DHX37: variants seen among roughly 807,000 people sequenced by gnomAD.
DHX37 encodes the protein probable ATP-dependent RNA helicase DHX37.
In DHX37, 52 loss-of-function variants were observed where a neutral mutation model predicts 134.3. The ratio of observed to expected loss-of-function variants is 0.39; its 90% CI spans 0.31 to 0.49. The LOEUF (loss-of-function observed/expected upper bound fraction) is 0.49, where lower values mean the gene tolerates loss of function less well. DHX37 is among the 20% of genes least tolerant of loss of function. The pLI, the probability that DHX37 is intolerant of heterozygous loss-of-function variation, is 0.93. For synonymous variants in DHX37, 634 were observed against 670.7 expected, an observed-to-expected ratio of 0.95 and a Z score of 0.85; for missense variants, 1,344 against 1,580.8, an observed-to-expected ratio of 0.85 and a Z score of 2.54.
intron 15 of DHX37, among the ~76,000 whole-genome samples, chr12:124,961,226 ACG>A (rs1566332223): frequency 2.7e-5 from 3 of 111,576 alleles, no homozygotes; most frequent in East Asian, 4.6e-4. Flanking sequence ...ACGCACACGC[ACG>A]CACACACACA....
At chr12:124,987,621 C>T (rs1327302872) in intron 1 of DHX37, among the ~76,000 whole-genome samples, 3 of 152,188 alleles carry the variant, frequency 2.0e-5, no homozygotes, top group African/African-American at 7.2e-5. Flanking sequence ...CCTCTGTAAC[C>T]TTTCTTTACT....
At chr12:124,970,835 G>A (rs79327485) in intron 8 of DHX37, among the ~76,000 whole-genome samples, 5,665 of 148,190 alleles carry the variant, frequency 0.038, 375 homozygotes, top group African/African-American at 0.13. Context: ...CCGCGCCCCA[G>A]GGTGGCACCC....
At chr12:124,967,070 G>C in intron 11 of DHX37, 53 bp downstream of exon 11, 1 of 1,596,886 alleles carries the variant, frequency 6.3e-7, no homozygotes, top group Non-Finnish European at 8.6e-7. Context: ...CAGGGAGCGC[G>C]AGGCCAAGCC....
At chr12:124,966,044 G>A (rs1203463654) in intron 12 of DHX37, among the ~76,000 whole-genome samples, 1 of 152,218 alleles carries the variant, frequency 6.6e-6, no homozygotes, top group Non-Finnish European at 1.5e-5. Flanking sequence ...GTGAACACAC[G>A]TGAGGAACCT....
intron 12 of DHX37, among the ~76,000 whole-genome samples, chr12:124,966,222 C>A (rs1193874087): frequency 6.6e-6 from 1 of 152,212 alleles, no homozygotes. Flanking sequence ...GTGCACACCA[C>A]CATGCCTGGC....
At chr12:124,985,542 C>G (rs1383970979) in intron 2 of DHX37, among the ~76,000 whole-genome samples, 2 of 148,932 alleles carry the variant, frequency 1.3e-5, no homozygotes, top group Non-Finnish European at 3.0e-5. Context: ...CAAGATCATC[C>G]TGGCTAACAT....
Position 124,968,834 on chromosome 12 carries a change from C to G in DHX37, c.1293+33G>C, listed in dbSNP as rs757237175. ...GACACCAGGGCGTCCTTGTGCCATC[C>G]AAGCTCACAGAGGACATGGGACCCT... On this transcript the variant is annotated intron_variant, in intron 9 of 26. Coordinates refer to ENST00000308736, the MANE Select transcript of DHX37 (RefSeq NM_032656.4). 3.1e-6 allele frequency: 5 copies of G among 1,612,824 alleles called. No homozygotes were observed. The South Asian group carries it at 3.3e-5, about 11-fold the overall frequency.
At chr12:124,948,301 CTGGCTGGGCATGGTGACA>C in intron 25 of DHX37, 120 bp from the exon 26 acceptor site, 1 of 1,459,100 alleles carries the variant, frequency 6.9e-7, no homozygotes, top group Non-Finnish European at 9.1e-7. Flanking sequence ...GGGTGAAGAG[CTGGCTGGGCATGGTGACA>C]TGCACCTGTA....
chr12:124,972,512 T>A lies in DHX37; in HGVS notation c.1068A>T (p.Glu356Asp), dbSNP rs377745670. 3 of 1,614,196 alleles carry A rather than the reference T, an allele frequency of 1.9e-6. No individual in the cohort carries two copies. Among genetic ancestry groups the A allele is most frequent in the Non-Finnish European group, 2.5e-6 (3 of 1,180,010 alleles). ...KFMTDGVLLK[E>D]IQKDFLLLRY... ...AGGATCCACAACCAACCTTCTGGAT[T>A]TCTTTAAGCAGCACACCATCCGTCA... The change falls in exon 7 of 27, where the codon GAA becomes GAT. Residue 356 changes from glutamate (E) to aspartate (D), a missense_variant. Glu to Asp is a conservative substitution (Grantham distance 45). Around this residue, in one of 7 missense-constraint regions of DHX37, gnomAD observed 30 missense variants for 72.5 expected, o/e 0.41. Coordinates refer to ENST00000308736, the MANE Select transcript of DHX37 (RefSeq NM_032656.4).
intron 16 of DHX37, among the ~76,000 whole-genome samples, chr12:124,957,395 C>T (rs996410016): frequency 1.3e-5 from 2 of 152,210 alleles, no homozygotes; most frequent in African/African-American, 2.4e-5. Flanking sequence ...GCTTTGCCCC[C>T]GCTGGGTGCT....
intron 1 of DHX37, among the ~76,000 whole-genome samples, chr12:124,987,316 C>T (rs151213284): frequency 0.017 from 2,531 of 152,292 alleles, 66 homozygotes; most frequent in East Asian, 0.073. Context: ...GCACTCCAGC[C>T]TAGGCGACAG....
rs543215632 is a variant in DHX37, at chr12:124,977,038, G to A, written c.887+304C>T. ...TCCAGCCGGGGTGACACAGCGAGAC[G>A]CTGTCTCAAAAAAAAAAAAAAAAGG... On this transcript the variant is annotated intron_variant, in intron 5 of 26. Transcript: ENST00000308736. 6.9e-5 allele frequency among the ~76,000 whole-genome samples: 8 copies of A among 116,666 alleles called. No individual in the cohort carries two copies. The East Asian group carries it at 7.6e-4, about 11-fold the overall frequency. 76.5% of individuals were successfully genotyped at this position (116,666 alleles called of 152,430 possible).
intron 18 of DHX37, among the ~76,000 whole-genome samples, chr12:124,955,439 C>G (rs575872569): frequency 2.0e-5 from 3 of 152,242 alleles, no homozygotes; most frequent in African/African-American, 4.8e-5. Context: ...GGGATTCTGA[C>G]GAATAGCTGG....
rs148208268 is a variant in DHX37 at position 124,953,940 on chromosome 12, C to T, written c.2635G>A (p.Gly879Arg). 2.5e-6 allele frequency: 4 copies of T among 1,613,262 alleles called. No individual in the cohort carries two copies. Among genetic ancestry groups the T allele is most frequent in the East Asian group, 4.5e-5 (2 of 44,858 alleles). ...TCCATCATGGCTTTGTACCGCAGCC[C>T]GTTGGCTTCGCAAAACTGGGGTGTG... ...SCTPQFCEAN[G>R]LRYKAMMEIR... The change falls in exon 20 of 27, where the codon GGG becomes AGG. Residue 879 changes from glycine to arginine, a missense_variant. By Grantham distance (125) the Gly-to-Arg change is moderately radical (BLOSUM62 -2). This residue lies in a region of DHX37 where 558 missense variants were observed against 650.0 expected (regional missense o/e 0.86). Coordinates refer to ENST00000308736, the MANE Select transcript of DHX37 (RefSeq NM_032656.4).
chr12:124,966,910 T>C (rs1000916439), intron 11 of DHX37, 32 bp from the exon 12 acceptor site: 20 of 1,613,838 alleles, frequency 1.2e-5, no homozygotes, highest in Non-Finnish European at 1.7e-5. Context: ...GAGAAAGGCG[T>C]CTGTGGCCGG....
intron 18 of DHX37, among the ~76,000 whole-genome samples, 153 bp downstream of exon 18, chr12:124,956,538 G>A (rs1442184022): frequency 6.6e-6 from 1 of 152,066 alleles, no homozygotes; most frequent in Non-Finnish European, 1.5e-5. Context: ...GCCCAGGCTA[G>A]AGTGCAGTTG....
intron 14 of DHX37, 61 bp from the exon 15 acceptor site, chr12:124,964,687 G>C (rs536285933): frequency 5.0e-6 from 8 of 1,590,718 alleles, no homozygotes; most frequent in Middle Eastern, 3.4e-4. Flanking sequence ...TCGTGGAATG[G>C]AGGCTCAAGG....
intron 6 of DHX37, among the ~76,000 whole-genome samples, chr12:124,973,494 A>T (rs981280541): frequency 6.8e-6 from 1 of 146,664 alleles, no homozygotes. Context: ...TTTGCTTCTA[A>T]ACAGTGGGGG....
At chr12:124,948,991 C>T (rs1211147725) in intron 25 of DHX37, among the ~76,000 whole-genome samples, 5 of 152,166 alleles carry the variant, frequency 3.3e-5, no homozygotes, top group African/African-American at 1.2e-4. Flanking sequence ...CTAGAACCTT[C>T]CTCCAGATTT....
Sources: gnomAD v4.1 joint callset for allele counts (sites outside exome capture counted in the v4.1 genomes callset) on GRCh38, gnomAD v4.1.1 for gene constraint, gnomAD v4.1.1 regional missense constraint, MANE v1.5 for transcripts, NCBI Gene and HGNC (gene_info 2026-07-23, HGNC 2026-07-21) for gene names.